VPS13B: variants seen among roughly 807,000 people sequenced by gnomAD.
VPS13B encodes vacuolar protein sorting 13 homolog B, also known as intermembrane lipid transfer protein VPS13B.
VPS13B carries 285 observed loss-of-function variants against 426.4 expected under a neutral mutation model. The ratio of observed to expected loss-of-function variants is 0.67; its 90% confidence interval spans 0.61 to 0.74. The LOEUF is 0.74. Among genes scored for constraint, VPS13B ranks in the 30% least tolerant of loss-of-function variants. The pLI is 0.00. For missense variants in VPS13B, 4,537 were observed against 4,782.6 expected (o/e 0.95, Z 1.51); for synonymous variants, 1,676 against 1,676.4 (o/e 1.00, Z 0.01).
At chr8:99,075,754 A>G (rs1845083882) in intron 3 of VPS13B, among the ~76,000 whole-genome samples, 1 of 152,034 alleles carries the variant, frequency 6.6e-6, no homozygotes, top group Non-Finnish European at 1.5e-5. Context: ...GATTTTGTTC[A>G]TTTGGGTCTT....
rs537188262 is a variant in VPS13B, at chr8:99,210,594, T to C, written c.2515+17537T>C. 5.9e-5 allele frequency among the ~76,000 whole-genome samples: 9 copies of C among 152,136 alleles called. No homozygotes were observed. The East Asian group carries it at 1.7e-3, about 29-fold the overall frequency. ...TGAACAATAAACTTACATTATAAGG[T>C]CTTGAAAAATATATATATATATATT... is the stretch of plus-strand genomic sequence containing the variant. On this transcript the variant is annotated intron_variant, in intron 17 of 61. Transcript: ENST00000357162.
chr8:99,824,002 T>C (rs1215148153), intron 51 of VPS13B, 24 bp downstream of exon 51: 1 of 1,608,434 alleles, frequency 6.2e-7, no homozygotes, highest in Non-Finnish European at 8.5e-7. Context: ...AACGATTCTT[T>C]TGTCTAAGTT....
intron 33 of VPS13B, among the ~76,000 whole-genome samples, chr8:99,613,284 G>A (rs1463595235): frequency 2.6e-5 from 4 of 152,176 alleles, no homozygotes; most frequent in Non-Finnish European, 5.9e-5. Flanking sequence ...CATTGCTGAT[G>A]CCTCACATAG....
chr8:99,769,085 G>A (rs941953520), intron 40 of VPS13B, among the ~76,000 whole-genome samples: 1 of 152,108 alleles, frequency 6.6e-6, no homozygotes. Flanking sequence ...GGAGCCTTTA[G>A]GAAACAGAAA....
intron 58 of VPS13B, among the ~76,000 whole-genome samples, chr8:99,865,431 C>T (rs1817049963): frequency 6.6e-6 from 1 of 152,224 alleles, no homozygotes; most frequent in South Asian, 2.1e-4. Context: ...GAGACCACCT[C>T]CTCTCTCTTC....
intron 30 of VPS13B, among the ~76,000 whole-genome samples, chr8:99,524,867 C>T (rs1013389408): frequency 6.6e-6 from 1 of 152,116 alleles, no homozygotes; most frequent in African/African-American, 2.4e-5. Flanking sequence ...ATCTTACAGT[C>T]CAGGAGTGAC....
chr8:99,212,568 A>G (rs1213342301), intron 17 of VPS13B, among the ~76,000 whole-genome samples: 2 of 152,214 alleles, frequency 1.3e-5, no homozygotes, highest in Non-Finnish European at 2.9e-5. Context: ...ATCTCAGAGA[A>G]ATAGAGTCAG....
intron 2 of VPS13B, among the ~76,000 whole-genome samples, chr8:99,036,255 G>A (rs1285863634): frequency 6.6e-6 from 1 of 151,868 alleles, no homozygotes; most frequent in Non-Finnish European, 1.5e-5. Flanking sequence ...AGATTTTTGA[G>A]ATATATTCAA....
intron 19 of VPS13B, among the ~76,000 whole-genome samples, chr8:99,324,097 C>T (rs1180787724): frequency 6.6e-6 from 1 of 152,106 alleles, no homozygotes; most frequent in Non-Finnish European, 1.5e-5. Context: ...TAGACAGAAG[C>T]TTTACTAAAA....
Position 99,859,438 on chromosome 8 carries a change from G to A in VPS13B, c.11002G>A (p.Val3668Ile), listed in dbSNP as rs746534351. Reference sequence around the variant, plus strand: ...GGGCCCTGGAGCCTTCGTGAGTGGCGTCTCCAGAGGGACCACATCGTTTGT... The same window carrying A: ...GGGCCCTGGAGCCTTCGTGAGTGGCATCTCCAGAGGGACCACATCGTTTGT... ...TRGPGAFVSG[V>I]SRGTTSFVKH... Residue 3668 changes from valine to isoleucine, a missense_variant, in exon 57 of 62, where the codon GTC becomes ATC. Around this residue, in one of 2 missense-constraint regions of VPS13B, gnomAD observed 4,311 missense variants for 4,474.3 expected, o/e 0.96. Coordinates refer to ENST00000357162, the MANE Select transcript of VPS13B (RefSeq NM_152564.5). 12 of 1,613,964 alleles carry A rather than the reference G, an allele frequency of 7.4e-6. No individual in the cohort carries two copies. Among genetic ancestry groups the A allele is most frequent in the South Asian group, 4.4e-5 (4 of 91,078 alleles).
Position 99,789,252 on chromosome 8 carries a change from G to A in VPS13B, c.7941+4776G>A, listed in dbSNP as rs564440795. ...CTTAGTTACTATGCTTTACAAATCC[G>A]TTTATATAATGCATGTATACATATA... On this transcript the variant is annotated intron_variant, in intron 43 of 61. Coordinates refer to ENST00000357162, the MANE Select transcript of VPS13B (RefSeq NM_152564.5). Among the ~76,000 whole-genome samples, 34 of 152,114 alleles carry A rather than the reference G, an allele frequency of 2.2e-4. 1 individual carries two copies. The South Asian group carries it at 5.6e-3, about 25-fold the overall frequency.
At chr8:99,813,859 C>T (rs931019485) in intron 44 of VPS13B, among the ~76,000 whole-genome samples, 4 of 152,178 alleles carry the variant, frequency 2.6e-5, no homozygotes, top group South Asian at 2.1e-4. Flanking sequence ...TTCATCCCAG[C>T]GTAGTGGCTT....
At chr8:99,031,061 T>A (rs965183401) in intron 2 of VPS13B, among the ~76,000 whole-genome samples, 5 of 152,186 alleles carry the variant, frequency 3.3e-5, no homozygotes, top group Non-Finnish European at 7.3e-5. Flanking sequence ...TTACATGTTG[T>A]TTCATTTAAA....
intron 17 of VPS13B, among the ~76,000 whole-genome samples, chr8:99,263,488 GT>G (rs1303478100): frequency 2.0e-5 from 3 of 152,154 alleles, no homozygotes; most frequent in Non-Finnish European, 4.4e-5. Context: ...CAAGGTGTCA[GT>G]TGGGCTCCTT....
chr8:99,222,843 T>C (rs753041675), intron 17 of VPS13B, among the ~76,000 whole-genome samples: 44 of 152,310 alleles, frequency 2.9e-4, no homozygotes, highest in Non-Finnish European at 5.1e-4. Context: ...GATTATTTTA[T>C]TTTATATTTT....
intron 17 of VPS13B, among the ~76,000 whole-genome samples, chr8:99,211,946 A>G (rs1237020553): frequency 6.6e-6 from 1 of 151,976 alleles, no homozygotes; most frequent in Non-Finnish European, 1.5e-5. Flanking sequence ...AAACTGGAGT[A>G]CAGTGGTGTG....
chr8:99,144,338 A>G (rs1235774122), intron 13 of VPS13B, among the ~76,000 whole-genome samples: 1 of 147,608 alleles, frequency 6.8e-6, no homozygotes, highest in African/African-American at 2.5e-5. Flanking sequence ...CAAAAGATTA[A>G]AAAAAAAAAA....
chr8:99,532,235 C>T (rs1040535203), intron 30 of VPS13B, among the ~76,000 whole-genome samples: 1 of 151,984 alleles, frequency 6.6e-6, no homozygotes, highest in Non-Finnish European at 1.5e-5. Flanking sequence ...GTTTTTCAAC[C>T]GTTTTACATT....
chr8:99,581,254 G>A (rs1826046410), intron 33 of VPS13B, among the ~76,000 whole-genome samples: 1 of 151,868 alleles, frequency 6.6e-6, no homozygotes, highest in Non-Finnish European at 1.5e-5. Context: ...TAAACAAAGG[G>A]GAAAAATGCA....
Sources: gnomAD v4.1 joint callset for allele counts (sites outside exome capture counted in the v4.1 genomes callset) on GRCh38, gnomAD v4.1.1 for gene constraint, gnomAD v4.1.1 regional missense constraint, MANE v1.5 for transcripts, NCBI Gene and HGNC (gene_info 2026-07-23, HGNC 2026-07-21) for gene names.